SCMH1: variants seen among roughly 807,000 people sequenced by gnomAD.
SCMH1 encodes the protein Scm polycomb group protein homolog 1, also known as polycomb protein SCMH1.
In SCMH1, 37 loss-of-function variants were observed where a neutral mutation model predicts 70.8. The observed-to-expected ratio is 0.52, with a 90% CI of 0.40 to 0.69. The LOEUF is 0.69. Ranked by LOEUF, SCMH1 falls within the 30% of genes least tolerant of loss-of-function variation. The pLI, the probability that SCMH1 is intolerant of heterozygous loss-of-function variation, is 0.00. For missense variants in SCMH1, 607 were observed against 827.3 expected (o/e 0.73, Z 3.27); for synonymous variants, 292 against 307.4 (o/e 0.95, Z 0.52).
chr1:41,219,556 G>A (rs989828752), intron 1 of SCMH1, among the ~76,000 whole-genome samples: 4 of 152,202 alleles, frequency 2.6e-5, no homozygotes, highest in Non-Finnish European at 5.9e-5. Flanking sequence ...CATCAGAATA[G>A]TTGGGGTTAA....
chr1:41,181,413 C>T (rs536777586), intron 2 of SCMH1, among the ~76,000 whole-genome samples: 2 of 152,230 alleles, frequency 1.3e-5, no homozygotes, highest in African/African-American at 4.8e-5. Context: ...GAACAGGCAA[C>T]CTACAGAATG....
intron 13 of SCMH1, among the ~76,000 whole-genome samples, chr1:41,034,481 C>T (rs1233734312): frequency 2.6e-5 from 4 of 152,108 alleles, no homozygotes; most frequent in Non-Finnish European, 4.4e-5. Context: ...GTGCCCACTA[C>T]CACGTCCGGC....
rs1447281271 is a variant in SCMH1 at position 41,159,063 on chromosome 1, T to C, written c.106+1812A>G. ...ACATTTTACAAAAAATTCAAAATGTTGAGTTTTAAATGCTGGGCAAGGGTA... is the reference window on the plus strand; with the variant it reads ...ACATTTTACAAAAAATTCAAAATGTCGAGTTTTAAATGCTGGGCAAGGGTA... On this transcript the variant is annotated intron_variant, in intron 4 of 14. Coordinates refer to ENST00000337495, the Ensembl canonical transcript of SCMH1. Among the ~76,000 whole-genome samples the C allele has an allele frequency of 7.9e-5, 12 of 152,312 alleles. No individual in the cohort carries two copies. In the East Asian group the frequency reaches 2.1e-3, roughly 27 times the overall value.
At chr1:41,240,036 C>T (rs1417138114) in intron 1 of SCMH1, among the ~76,000 whole-genome samples, 1 of 152,212 alleles carries the variant, frequency 6.6e-6, no homozygotes, top group Non-Finnish European at 1.5e-5. Flanking sequence ...GAATCAGGGC[C>T]TTTCCTCTGG....
intron 1 of SCMH1, among the ~76,000 whole-genome samples, chr1:41,192,065 ATGAC>A (rs1326093536): frequency 6.6e-6 from 1 of 152,194 alleles, no homozygotes; most frequent in Non-Finnish European, 1.5e-5. Context: ...GTTAAACGCA[ATGAC>A]TGACTATATA....
intron 8 of SCMH1, among the ~76,000 whole-genome samples, chr1:41,081,210 A>G (rs1459674538): frequency 2.0e-5 from 3 of 152,226 alleles, no homozygotes; most frequent in Non-Finnish European, 4.4e-5. Flanking sequence ...TAAAATATTG[A>G]TAGGGGAAAT....
intron 1 of SCMH1, among the ~76,000 whole-genome samples, chr1:41,196,532 C>T (rs1405478069): frequency 6.6e-6 from 1 of 152,006 alleles, no homozygotes; most frequent in Non-Finnish European, 1.5e-5. Flanking sequence ...ATACCATATA[C>T]AAAAAAATTA....
At chr1:41,064,361 C>T (rs1364648679) in intron 10 of SCMH1, among the ~76,000 whole-genome samples, 1 of 152,196 alleles carries the variant, frequency 6.6e-6, no homozygotes, top group Non-Finnish European at 1.5e-5. Context: ...TCTTACCACT[C>T]CTCTTCAACA....
At chr1:41,084,349 T>C (rs1660934475) in intron 8 of SCMH1, among the ~76,000 whole-genome samples, 1 of 152,116 alleles carries the variant, frequency 6.6e-6, no homozygotes, top group Admixed American at 6.5e-5. Context: ...AAGAAGACAT[T>C]TATGCAGCCA....
At chr1:41,199,334 T>C (rs990857550) in intron 1 of SCMH1, among the ~76,000 whole-genome samples, 1 of 152,184 alleles carries the variant, frequency 6.6e-6, no homozygotes, top group Non-Finnish European at 1.5e-5. Context: ...AGCCATTGTC[T>C]TGACTTCTAT....
chr1:41,181,084 A>G (rs1189759354), intron 2 of SCMH1, among the ~76,000 whole-genome samples: 5 of 152,238 alleles, frequency 3.3e-5, no homozygotes, highest in African/African-American at 9.6e-5. Context: ...TCTGACAAAA[A>G]TAAGAAATGG....
At chr1:41,044,502 T>G (rs187620575) in intron 12 of SCMH1, among the ~76,000 whole-genome samples, 1 of 152,038 alleles carries the variant, frequency 6.6e-6, no homozygotes, top group Non-Finnish European at 1.5e-5. Flanking sequence ...ACAGAGGAAT[T>G]AGAAGTTTAG....
intron 1 of SCMH1, among the ~76,000 whole-genome samples, chr1:41,190,806 G>T (rs935200519): frequency 6.6e-6 from 1 of 152,000 alleles, no homozygotes. Context: ...TCTCTTCTGC[G>T]TCTCCATCTA....
At chr1:41,239,174 G>A (rs531456289) in intron 1 of SCMH1, among the ~76,000 whole-genome samples, 11 of 151,770 alleles carry the variant, frequency 7.2e-5, no homozygotes, top group Admixed American at 3.3e-4. Context: ...GGTCCACCAC[G>A]ACATGGCCTC....
At chr1:41,084,583 T>C (rs1356481098) in intron 8 of SCMH1, among the ~76,000 whole-genome samples, 1 of 151,994 alleles carries the variant, frequency 6.6e-6, no homozygotes, top group African/African-American at 2.4e-5. Context: ...TCCTCAGGGA[T>C]CTAGAACTAG....
chr1:41,185,070 T>C (rs1328739169), intron 2 of SCMH1, among the ~76,000 whole-genome samples: 1 of 152,212 alleles, frequency 6.6e-6, no homozygotes, highest in Non-Finnish European at 1.5e-5. Flanking sequence ...TCCTCTTAAA[T>C]CTTGTTCAAT....
chr1:41,235,595 AAG>A (rs1455488046), intron 1 of SCMH1, among the ~76,000 whole-genome samples: 2 of 149,120 alleles, frequency 1.3e-5, no homozygotes, highest in East Asian at 1.9e-4. Flanking sequence ...AAAAAAAAAA[AAG>A]AAAAGTTCAG....
chr1:41,028,633 C>T (rs776939554), exon 14 of SCMH1: 53 of 1,614,040 alleles, frequency 3.3e-5, no homozygotes, highest in East Asian at 1.6e-4. Flanking sequence ...ATCAGCTTCC[C>T]GGACAAACTG....
chr1:41,214,902 C>T (rs1211232489), intron 1 of SCMH1, among the ~76,000 whole-genome samples: 5 of 152,060 alleles, frequency 3.3e-5, no homozygotes, highest in Admixed American at 3.3e-4. Flanking sequence ...TTCATTGCAA[C>T]AGAATGGTAG....
Sources: gnomAD v4.1 joint callset for allele counts (sites outside exome capture counted in the v4.1 genomes callset) on GRCh38, gnomAD v4.1.1 for gene constraint, MANE v1.5 for transcripts, NCBI Gene and HGNC (gene_info 2026-07-23, HGNC 2026-07-21) for gene names.